Variants in TTC22 observed in about 807,000 individuals in gnomAD.
TTC22 encodes the protein tetratricopeptide repeat protein 22.
TTC22 carries 42 observed loss-of-function variants against 48.2 expected under a neutral mutation model. That is an observed-to-expected ratio of 0.87 (90% CI 0.68 to 1.13). TTC22 has a LOEUF of 1.13. Ranked by LOEUF, TTC22 falls within the 50% of genes most tolerant of loss-of-function variation. TTC22 has a pLI of 0.00. For missense variants in TTC22, 784 were observed against 807.0 expected, an observed-to-expected ratio of 0.97 and a Z score of 0.34; for synonymous variants, 345 against 365.5, an observed-to-expected ratio of 0.94 and a Z score of 0.64.
chr1:54,791,658 T>C (rs1570114758), intron 1 of TTC22, among the ~76,000 whole-genome samples: 1 of 152,212 alleles, frequency 6.6e-6, no homozygotes, highest in African/African-American at 2.4e-5. Context: ...CCAACTATGC[T>C]CCCAGGACCT....
At chr1:54,784,065 A>G (rs907521811) in intron 5 of TTC22, among the ~76,000 whole-genome samples, 1 of 152,228 alleles carries the variant, frequency 6.6e-6, no homozygotes, top group Non-Finnish European at 1.5e-5. Context: ...GATATTTTCA[A>G]TTAGATGGCC....
chr1:54,781,195 G>T lies in TTC22; in HGVS notation c.*48C>A. ...CCGGACCTGGTCCCATCAGCTGGGC[G>T]GGGCCTGGGCGGGGTCCCAGGGAGC... On this transcript the variant is annotated 3_prime_UTR_variant, in exon 7 of 7. Coordinates refer to ENST00000371276, the MANE Select transcript of TTC22 (RefSeq NM_001114108.2). 7.6e-7 allele frequency: 1 copy of T among 1,323,116 alleles called. No individual in the cohort carries two copies. Among genetic ancestry groups the T allele is most frequent in the Non-Finnish European group, 9.8e-7 (1 of 1,024,520 alleles). 82.0% of individuals were successfully genotyped at this position (1,323,116 alleles called of 1,614,324 possible).
In TTC22 at chr1:54,786,153, G is replaced by T. The variant is rs1270984240; in HGVS notation, c.859-9C>A. ...TTGGCAATCTCAATGGCCTAGGTAA[G>T]GGAGGAGTGCAAAAACAAACCACTT... is the stretch of plus-strand genomic sequence containing the variant. On this transcript the variant is annotated splice_polypyrimidine_tract_variant and intron_variant, in intron 4 of 6. Transcript: ENST00000371276. 1 of 1,613,268 alleles carries T rather than the reference G, an allele frequency of 6.2e-7. No individual in the cohort carries two copies. Among genetic ancestry groups the T allele is most frequent in the Non-Finnish European group, 8.5e-7 (1 of 1,179,578 alleles).
rs146222875 is a variant in TTC22, at chr1:54,787,760, C to T, written c.690G>A (p.Thr230=). Residue 230 remains threonine (T), a synonymous_variant, in exon 3 of 7, where the codon ACG becomes ACA. Coordinates refer to ENST00000371276, the MANE Select transcript of TTC22 (RefSeq NM_001114108.2). ...TCAGCACTTGCCGGAGTAGGGCCAG[C>T]GTGCGGTTGAAGGCAGGCAGTCTCT... ...EQKRLPAFNR[T]LALLRQVLKS... is the part of the protein sequence containing the mutation. 22,147 of 1,613,512 alleles carry T rather than the reference C, an allele frequency of 0.014. 190 individuals carry two copies. The highest frequency in any genetic ancestry group is 0.015 in the Non-Finnish European group (18,180 of 1,179,754).
At chr1:54,787,586 G>T in intron 3 of TTC22, 125 bp downstream of exon 3, 1 of 725,446 alleles carries the variant, frequency 1.4e-6, no homozygotes, top group Non-Finnish European at 2.4e-6. Flanking sequence ...TGAGTGTAGG[G>T]GACAGAGCGA....
At chr1:54,786,394 GT>G (rs955839072) in intron 4 of TTC22, 20 of 435,256 alleles carry the variant, frequency 4.6e-5, no homozygotes, top group African/African-American at 3.9e-4. Flanking sequence ...GTCACATCCA[GT>G]AAAGCCTTCC....
rs545846867 is a variant in TTC22, at chr1:54,800,680, C to T, written c.484G>A (p.Gly162Ser). Reference sequence around the variant, plus strand: ...GCACGCTCCTCTGGGCTGGCGCAGCCGACGTCGAAGCCATGCGCGTAGCCC... The same window carrying T: ...GCACGCTCCTCTGGGCTGGCGCAGCTGACGTCGAAGCCATGCGCGTAGCCC... ...EQGYAHGFDV[G>S]CASPEERARG... Residue 162 changes from glycine to serine, a missense_variant, in exon 1 of 7, where the codon GGC (glycine) becomes AGC (serine). Physicochemically the swap from Gly to Ser is moderately conservative, Grantham distance 56. Transcript: ENST00000371276. The T allele has an allele frequency of 3.2e-6, 5 of 1,551,780 alleles. No individual in the cohort carries two copies. The African/African-American group carries it at 5.5e-5, about 17-fold the overall frequency.
At position 54,781,320 on chromosome 1, in the gene TTC22, G is replaced by A; in HGVS notation, c.1633C>T (p.Arg545Trp). 9 of 1,439,574 alleles carry A rather than the reference G, an allele frequency of 6.3e-6. No individual in the cohort carries two copies. The highest frequency in any genetic ancestry group is 8.1e-6 in the Non-Finnish European group (9 of 1,107,352). 89.2% of individuals were successfully genotyped at this position (1,439,574 alleles called of 1,614,324 possible). ...LVAQGRPALV[R>W]LLFETMEREG... Reference sequence around the variant, plus strand: ...CGCTCCATGGTCTCGAAGAGCAGCCGCACCAGCGCCGGCCGTCCCTGGGCC... The same window carrying A: ...CGCTCCATGGTCTCGAAGAGCAGCCACACCAGCGCCGGCCGTCCCTGGGCC... The change falls in exon 7 of 7, where the codon CGG becomes TGG. Residue 545 changes from arginine (R) to tryptophan (W), a missense_variant. Arg to Trp is a moderately radical substitution (Grantham distance 101). Coordinates refer to ENST00000371276, the MANE Select transcript of TTC22 (RefSeq NM_001114108.2).
chr1:54,786,537 T>C, intron 4 of TTC22: 1 of 246,498 alleles, frequency 4.1e-6, no homozygotes, highest in South Asian at 9.2e-5. Context: ...GTAATAACAC[T>C]TACCCTCACT....
At position 54,781,004 on chromosome 1, in the gene TTC22, G is replaced by C. The variant is rs1646256910; in HGVS notation, c.*239C>G. 1 of 377,810 alleles carries C rather than the reference G, an allele frequency of 2.6e-6. No homozygotes were observed. Among genetic ancestry groups the C allele is most frequent in the Non-Finnish European group, 4.7e-6 (1 of 212,476 alleles). The allele number at this position is 377,810 out of a possible 1,614,324, so 23.4% of individuals were successfully genotyped here. A position where few individuals can be genotyped will look rare whatever the true frequency, so the allele number is the denominator to read the frequency against. ...CTGTCCCTTAATTGGCAGCTTCCCA[G>C]TGTTTTCTCACCTCTGCTCCCAGCC... On this transcript the variant is annotated 3_prime_UTR_variant, in exon 7 of 7. Coordinates refer to ENST00000371276, the MANE Select transcript of TTC22 (RefSeq NM_001114108.2).
intron 2 of TTC22, 68 bp downstream of exon 2, chr1:54,787,974 T>A: frequency 1.4e-5 from 21 of 1,550,758 alleles, no homozygotes; most frequent in Non-Finnish European, 1.9e-5. Flanking sequence ...GCCCTTACCC[T>A]GCTGGCTGGG....
At chr1:54,798,019 C>G (rs140509029) in intron 1 of TTC22, among the ~76,000 whole-genome samples, 200 of 152,312 alleles carry the variant, frequency 1.3e-3, no homozygotes, top group African/African-American at 4.6e-3. Context: ...CACCCACCTC[C>G]TCTCTCTCCA....
rs199699411 is a variant in TTC22, at chr1:54,788,016, G to A, written c.623+26C>T. ...GCCACACCTCTCCCTCTTCCATCCC[G>A]TACCCCCACCACCCTCTTGCCTGAC... On this transcript the variant is annotated intron_variant, in intron 2 of 6. Coordinates refer to ENST00000371276, the MANE Select transcript of TTC22 (RefSeq NM_001114108.2). 375 of 1,609,526 alleles carry A rather than the reference G, an allele frequency of 2.3e-4. 2 individuals carry two copies. Among genetic ancestry groups the A allele is most frequent in the African/African-American group, 2.2e-3 (168 of 74,824 alleles).
At chr1:54,787,344 C>T in intron 3 of TTC22, 3 of 556,288 alleles carry the variant, frequency 5.4e-6, no homozygotes, top group Non-Finnish European at 3.2e-6. Flanking sequence ...CTTCAGCTCT[C>T]ACCAGCTCTG....
chr1:54,795,386 C>G (rs1160145429), intron 1 of TTC22, among the ~76,000 whole-genome samples: 1 of 152,234 alleles, frequency 6.6e-6, no homozygotes, highest in African/African-American at 2.4e-5. Flanking sequence ...CTTTGAGCGG[C>G]TCCCTGCTGC....
intron 6 of TTC22, 23 bp from the exon 7 acceptor site, chr1:54,781,802 A>G: frequency 7.2e-7 from 1 of 1,398,594 alleles, no homozygotes; most frequent in African/African-American, 1.5e-5. Flanking sequence ...ACGCGGGGTG[A>G]GCCCTTCACC....
intron 1 of TTC22, among the ~76,000 whole-genome samples, chr1:54,792,447 T>C (rs1470873386): frequency 6.6e-6 from 1 of 152,134 alleles, no homozygotes; most frequent in Non-Finnish European, 1.5e-5. Flanking sequence ...CTCTCTTTTT[T>C]TTTTTTTAGA....
In TTC22 at chr1:54,782,248, CCTAGCCCTTGGT is replaced by C. The variant is rs2101437720; in HGVS notation, c.1173+65_1173+76del. On this transcript the variant is annotated intron_variant, in intron 6 of 6. Transcript: ENST00000371276. ...TGAAACTTTTTCCTCTGCATCTTGGCCTAGCCCTTGGTCTAGCCTGGCAAGGAGTAAACAGAT... is the reference window on the plus strand; with the variant it reads ...TGAAACTTTTTCCTCTGCATCTTGGCCTAGCCTGGCAAGGAGTAAACAGAT... 3 of 1,410,400 alleles carry C rather than the reference CCTAGCCCTTGGT, an allele frequency of 2.1e-6. No individual in the cohort carries two copies. In the East Asian group the frequency reaches 7.6e-5, roughly 36 times the overall value. The allele number at this position is 1,410,400 out of a possible 1,614,324, so 87.4% of individuals were successfully genotyped here.
chr1:54,786,697 G>A (rs1285290230), intron 4 of TTC22: 3 of 367,834 alleles, frequency 8.2e-6, no homozygotes, highest in Non-Finnish European at 1.5e-5. Flanking sequence ...AGGGAATACT[G>A]TGAATGAAGG....
Sources: allele counts gnomAD v4.1 joint callset (sites outside exome capture counted in the v4.1 genomes callset), GRCh38; gene constraint gnomAD v4.1.1; transcripts MANE v1.5; gene names NCBI Gene and HGNC (gene_info 2026-07-23, HGNC 2026-07-21).